VAV3: variants seen among roughly 807,000 people sequenced by gnomAD.
VAV3 encodes vav guanine nucleotide exchange factor 3.
In VAV3, 94 loss-of-function variants were observed where a neutral mutation model predicts 131.2. That is an observed-to-expected ratio of 0.72 (90% CI 0.61 to 0.85). The LOEUF is 0.85. Among genes scored for constraint, VAV3 ranks in the 40% least tolerant of loss-of-function variants. The pLI, the probability that VAV3 is intolerant of heterozygous loss-of-function variation, is 0.00. For missense variants in VAV3, 939 were observed against 1,002.7 expected (o/e 0.94, Z 0.86); for synonymous variants, 349 against 342.0 (o/e 1.02, Z -0.22).
Position 107,605,304 on chromosome 1 carries a change from T to C in VAV3, c.2016-2141A>G, listed in dbSNP as rs1251349647. On this transcript the variant is annotated intron_variant, in intron 22 of 26. Transcript: ENST00000370056. ...TTAGGTCACGGGGGCTCTGCCCTCATGAGTGGATTAATGACCTTATCATAG... is the reference window on the plus strand; with the variant it reads ...TTAGGTCACGGGGGCTCTGCCCTCACGAGTGGATTAATGACCTTATCATAG... Among the ~76,000 whole-genome samples, 3 of 152,212 alleles carry C rather than the reference T, an allele frequency of 2.0e-5. No individual in the cohort carries two copies. The East Asian group carries it at 5.8e-4, about 29-fold the overall frequency.
At chr1:107,683,255 G>A (rs1182001896) in intron 19 of VAV3, among the ~76,000 whole-genome samples, 1 of 152,206 alleles carries the variant, frequency 6.6e-6, no homozygotes, top group Non-Finnish European at 1.5e-5. Flanking sequence ...TGTTCAGTAA[G>A]CAAATAACCA....
intron 19 of VAV3, among the ~76,000 whole-genome samples, chr1:107,654,803 C>T (rs1420235941): frequency 6.6e-6 from 1 of 151,878 alleles, no homozygotes; most frequent in East Asian, 1.9e-4. Context: ...AGCTTAGAGT[C>T]TAACAGGGAA....
chr1:107,595,174 C>T (rs778980454), intron 25 of VAV3, among the ~76,000 whole-genome samples: 1 of 152,094 alleles, frequency 6.6e-6, no homozygotes, highest in Non-Finnish European at 1.5e-5. Context: ...GCTCTACTTT[C>T]ATTGCACGAG....
chr1:107,954,669 T>C (rs1396779811), intron 1 of VAV3, among the ~76,000 whole-genome samples: 1 of 151,062 alleles, frequency 6.6e-6, no homozygotes, highest in Non-Finnish European at 1.5e-5. Context: ...AAATTTTAAC[T>C]CAATATCTGA....
intron 2 of VAV3, among the ~76,000 whole-genome samples, chr1:107,846,019 G>T (rs1668950479): frequency 6.6e-6 from 1 of 152,108 alleles, no homozygotes; most frequent in Non-Finnish European, 1.5e-5. Context: ...AGGCAGAAAT[G>T]AAGGAAAAAA....
intron 20 of VAV3, among the ~76,000 whole-genome samples, chr1:107,640,358 C>T (rs1655253332): frequency 6.6e-6 from 1 of 151,970 alleles, no homozygotes; most frequent in Admixed American, 6.6e-5. Context: ...TGAAATAAGC[C>T]ATACAAAAAA....
chr1:107,612,448 C>T (rs1261442708), intron 21 of VAV3, among the ~76,000 whole-genome samples: 1 of 151,860 alleles, frequency 6.6e-6, no homozygotes, highest in African/African-American at 2.4e-5. Context: ...TTTTGTAGTT[C>T]CTATTTCTCT....
intron 15 of VAV3, among the ~76,000 whole-genome samples, chr1:107,728,382 AG>A (rs1661981344): frequency 6.6e-6 from 1 of 152,068 alleles, no homozygotes. Context: ...TACTCTGTAG[AG>A]GAAGTCTTCT....
chr1:107,620,093 T>C (rs548051222), intron 20 of VAV3, among the ~76,000 whole-genome samples: 4 of 152,320 alleles, frequency 2.6e-5, no homozygotes, highest in South Asian at 2.1e-4. Context: ...TTGTTCAACA[T>C]GGTCTTCTCT....
At chr1:107,619,007 ATG>A (rs1653373810) in intron 20 of VAV3, among the ~76,000 whole-genome samples, 5 of 152,316 alleles carry the variant, frequency 3.3e-5, no homozygotes, top group Middle Eastern at 3.4e-3. Flanking sequence ...AACTGATCCC[ATG>A]GTAAGGAAAG....
chr1:107,853,571 C>G (rs1399889829), intron 2 of VAV3, among the ~76,000 whole-genome samples: 2 of 149,690 alleles, frequency 1.3e-5, no homozygotes, highest in Non-Finnish European at 1.5e-5. Flanking sequence ...CCCCATCCCT[C>G]AAGAACCAAA....
intron 19 of VAV3, among the ~76,000 whole-genome samples, chr1:107,662,794 G>A (rs1169710432): frequency 6.6e-6 from 1 of 152,176 alleles, no homozygotes; most frequent in Admixed American, 6.5e-5. Flanking sequence ...ATGAATAAGG[G>A]GCAAAGCAAT....
At chr1:107,699,074 CA>C (rs1659925986) in intron 17 of VAV3, among the ~76,000 whole-genome samples, 2 of 152,222 alleles carry the variant, frequency 1.3e-5, no homozygotes, top group African/African-American at 4.8e-5. Flanking sequence ...AAAACACAAT[CA>C]TGCCTACCCA....
chr1:107,758,036 C>A (rs1263885664), intron 10 of VAV3, among the ~76,000 whole-genome samples: 1 of 152,156 alleles, frequency 6.6e-6, no homozygotes, highest in African/African-American at 2.4e-5. Flanking sequence ...CCCCTCAAAT[C>A]CAACATTCCC....
chr1:107,685,617 A>C (rs190610319), intron 18 of VAV3: 1 of 152,312 alleles, frequency 6.6e-6, no homozygotes, highest in African/African-American at 2.4e-5. Context: ...GGAATAAACT[A>C]TGAACTGGTG....
At position 107,765,137 on chromosome 1, in the gene VAV3, G is replaced by A. The variant is rs938606749; in HGVS notation, c.860C>T (p.Ser287Leu). 1.2e-6 allele frequency: 2 copies of A among 1,613,388 alleles called. No homozygotes were observed. The highest frequency in any genetic ancestry group is 1.7e-5 in the Admixed American group (1 of 60,000). Residue 287 changes from serine to leucine, a missense_variant, in exon 9 of 27, where the codon TCA (serine) becomes TTA (leucine). Ser to Leu is a moderately radical substitution (Grantham distance 145, BLOSUM62 -2). Transcript: ENST00000370056. ...AATGTAGTCTAAACTAGAGATGGCT[G>A]ACTCCACTCCACTGCAGTACTGCCC... ...IYGQYCSGVE[S>L]AISSLDYISK...
At chr1:107,898,168 G>C (rs778630174) in intron 1 of VAV3, among the ~76,000 whole-genome samples, 34 of 151,870 alleles carry the variant, frequency 2.2e-4, no homozygotes, top group Middle Eastern at 3.4e-3. Flanking sequence ...GAAAATATGG[G>C]GGAACGAGTA....
intron 19 of VAV3, among the ~76,000 whole-genome samples, chr1:107,680,748 C>T (rs898302365): frequency 4.6e-5 from 7 of 152,086 alleles, no homozygotes; most frequent in Admixed American, 6.6e-5. Context: ...ACAACAACAA[C>T]GTAAGGTAGG....
chr1:107,952,468 T>TTTATATATATATATACATATATATATATA (rs1553235441), intron 1 of VAV3, among the ~76,000 whole-genome samples: 3 of 119,028 alleles, frequency 2.5e-5, no homozygotes, highest in African/African-American at 1.1e-4. Context: ...TAACAAAACT[T>TTTATATATATATATACATATATATATATA]TATATATATA....
Sources: gnomAD v4.1 joint callset for allele counts (sites outside exome capture counted in the v4.1 genomes callset) on GRCh38, gnomAD v4.1.1 for gene constraint, MANE v1.5 for transcripts, NCBI Gene and HGNC (gene_info 2026-07-23, HGNC 2026-07-21) for gene names.